ATF2: variants seen among roughly 807,000 people sequenced by gnomAD.
ATF2 encodes cyclic AMP-dependent transcription factor ATF-2.
In ATF2, 24 loss-of-function variants were observed where a neutral mutation model predicts 60.6. The ratio of observed to expected loss-of-function variants is 0.40; its 90% CI spans 0.29 to 0.56. ATF2 has a LOEUF of 0.56. Among genes scored for constraint, ATF2 ranks in the 20% least tolerant of loss-of-function variants. The pLI is 0.54. For missense variants in ATF2, 433 were observed against 607.7 expected (o/e 0.71, Z 3.02); for synonymous variants, 206 against 215.4 (o/e 0.96, Z 0.38).
intron 2 of ATF2, among the ~76,000 whole-genome samples, chr2:175,145,551 T>C (rs1319675873): frequency 6.6e-6 from 1 of 152,176 alleles, no homozygotes; most frequent in Non-Finnish European, 1.5e-5. Context: ...TAAACCTCTT[T>C]TCTTTATAAA....
chr2:175,078,740 C>A (rs1303922858), intron 13 of ATF2, among the ~76,000 whole-genome samples: 1 of 152,184 alleles, frequency 6.6e-6, no homozygotes, highest in African/African-American at 2.4e-5. Flanking sequence ...TGTGCTACAA[C>A]ATAATGAAGA....
Position 175,073,530 on chromosome 2 carries a change from T to C in ATF2, c.*1079A>G, listed in dbSNP as rs1015975618. On this transcript the variant is annotated 3_prime_UTR_variant, in exon 14 of 14. Transcript: ENST00000264110. ...TCATTCATGCACACTTCCCACATTA[T>C]AATTACATTGTTCTAAAGATAGATA... is the stretch of plus-strand genomic sequence containing the variant. 5.3e-5 allele frequency: 8 copies of C among 152,164 alleles called. No individual in the cohort carries two copies. Among genetic ancestry groups the C allele is most frequent in the African/African-American group, 1.9e-4 (8 of 41,510 alleles). The allele number at this position is 152,164 out of a possible 1,614,324, so 9.4% of individuals were successfully genotyped here.
intron 3 of ATF2, among the ~76,000 whole-genome samples, chr2:175,133,590 C>T (rs1697905488): frequency 6.6e-6 from 1 of 152,122 alleles, no homozygotes; most frequent in African/African-American, 2.4e-5. Context: ...AATGTGTAGG[C>T]TTCATTTCAC....
intron 10 of ATF2, among the ~76,000 whole-genome samples, chr2:175,100,607 T>G (rs1377209365): frequency 6.6e-6 from 1 of 152,256 alleles, no homozygotes; most frequent in African/African-American, 2.4e-5. Flanking sequence ...CAATGTACTT[T>G]ATGTTCTTAG....
intron 2 of ATF2, among the ~76,000 whole-genome samples, chr2:175,142,035 G>A (rs930161383): frequency 1.3e-4 from 19 of 151,570 alleles, no homozygotes; most frequent in African/African-American, 4.4e-4. Context: ...AAAAAGAAAA[G>A]AAAAAAACCT....
chr2:175,153,120 T>C (rs1009327160), intron 1 of ATF2, among the ~76,000 whole-genome samples: 6 of 152,204 alleles, frequency 3.9e-5, no homozygotes, highest in African/African-American at 1.2e-4. Flanking sequence ...AGAAATAAGA[T>C]AGCCAGTTGT....
intron 2 of ATF2, among the ~76,000 whole-genome samples, chr2:175,150,338 A>G (rs1440063799): frequency 6.6e-6 from 1 of 152,188 alleles, no homozygotes; most frequent in Non-Finnish European, 1.5e-5. Context: ...TATATCTAAC[A>G]AAGTCTATCA....
chr2:175,139,254 T>A (rs1698338937), intron 2 of ATF2, among the ~76,000 whole-genome samples: 1 of 152,188 alleles, frequency 6.6e-6, no homozygotes, highest in Non-Finnish European at 1.5e-5. Flanking sequence ...TTATATCAGT[T>A]GGATACATTT....
At chr2:175,122,964 T>C (rs376615647) in intron 4 of ATF2, among the ~76,000 whole-genome samples, 30 of 152,204 alleles carry the variant, frequency 2.0e-4, no homozygotes, top group African/African-American at 7.2e-4. Context: ...AACAGAAAAC[T>C]ATTATTTTAT....
rs770334773 is a variant in ATF2, at chr2:175,080,687, C to T, written c.1264G>A (p.Ala422Thr). 63 of 1,612,536 alleles carry T rather than the reference C, an allele frequency of 3.9e-5. No homozygotes were observed. Among genetic ancestry groups the T allele is most frequent in the African/African-American group, 1.1e-4 (8 of 74,830 alleles). Residue 422 changes from alanine to threonine, a missense_variant, in exon 13 of 14, where the codon GCC becomes ACC. Ala to Thr is a moderately conservative substitution (Grantham distance 58, BLOSUM62 0). Coordinates refer to ENST00000264110, the MANE Select transcript of ATF2 (RefSeq NM_001880.4). The part of the protein sequence containing the change: ...LLAHKDCPVT[A>T]MQKKSGYHTA... ...TGATAGCCAGATTTCTTCTGCATGG[C>T]GGTTACAGGGCAATCTTTATGAGCC...
intron 13 of ATF2, among the ~76,000 whole-genome samples, chr2:175,077,779 T>C (rs1693445278): frequency 6.6e-6 from 1 of 152,136 alleles, no homozygotes; most frequent in African/African-American, 2.4e-5. Flanking sequence ...CAAATACCTT[T>C]ACAATGTGAT....
chr2:175,091,919 C>A (rs1235285757), intron 12 of ATF2, among the ~76,000 whole-genome samples: 1 of 152,058 alleles, frequency 6.6e-6, no homozygotes, highest in Non-Finnish European at 1.5e-5. Flanking sequence ...TCTTAATAAA[C>A]CCTAGAAGAT....
intron 12 of ATF2, among the ~76,000 whole-genome samples, chr2:175,084,990 G>A (rs1458068254): frequency 6.6e-6 from 1 of 151,996 alleles, no homozygotes; most frequent in Non-Finnish European, 1.5e-5. Context: ...ATATGAATCT[G>A]GTCAGAGGTC....
At chr2:175,162,949 C>T (rs1253663715) in intron 1 of ATF2, among the ~76,000 whole-genome samples, 4 of 151,922 alleles carry the variant, frequency 2.6e-5, no homozygotes, top group Admixed American at 6.6e-5. Flanking sequence ...CTAGCTAACA[C>T]GGTGAAACCC....
chr2:175,144,223 C>G lies in ATF2; in HGVS notation c.-44+6837G>C, dbSNP rs997176844. On this transcript the variant is annotated intron_variant, in intron 2 of 13. Coordinates refer to ENST00000264110, the MANE Select transcript of ATF2 (RefSeq NM_001880.4). ...CGTTAGGTTCCTAATATAGTCCTAA[C>G]TATTCATTTTGCAAATGAGGAGACT... 3.3e-5 allele frequency among the ~76,000 whole-genome samples: 5 copies of G among 152,258 alleles called. No individual in the cohort carries two copies. In the East Asian group the frequency reaches 9.6e-4, roughly 29 times the overall value.
At chr2:175,091,857 C>T (rs966410046) in intron 12 of ATF2, among the ~76,000 whole-genome samples, 2 of 151,850 alleles carry the variant, frequency 1.3e-5, no homozygotes, top group Non-Finnish European at 2.9e-5. Context: ...AGTGAGACTC[C>T]GTCTCAAAAA....
At chr2:175,167,935 G>A (rs1700481237) in intron 1 of ATF2, 115 bp downstream of exon 1, 2 of 354,478 alleles carry the variant, frequency 5.6e-6, no homozygotes, top group South Asian at 4.2e-5. Context: ...GAGCACCCGA[G>A]GTGATGGGAA....
chr2:175,112,773 T>TG (rs1696287851), intron 9 of ATF2, among the ~76,000 whole-genome samples: 1 of 151,976 alleles, frequency 6.6e-6, no homozygotes, highest in Non-Finnish European at 1.5e-5. Context: ...TTTGTAGAGA[T>TG]GGGGTTTTGC....
chr2:175,109,168 T>C (rs368389506), intron 10 of ATF2, among the ~76,000 whole-genome samples: 1 of 82,608 alleles, frequency 1.2e-5, no homozygotes, highest in African/African-American at 4.6e-5. Context: ...GAATGATCAA[T>C]AAAAAAAAAA....
Sources: gnomAD v4.1 joint callset for allele counts (sites outside exome capture counted in the v4.1 genomes callset) on GRCh38, gnomAD v4.1.1 for gene constraint, MANE v1.5 for transcripts, NCBI Gene and HGNC (gene_info 2026-07-23, HGNC 2026-07-21) for gene names.